Variants in PPP4R2 observed in about 807,000 individuals in gnomAD.
PPP4R2 encodes serine/threonine-protein phosphatase 4 regulatory subunit 2.
In PPP4R2, 13 loss-of-function variants were observed where a neutral mutation model predicts 47.2. That is an observed-to-expected ratio of 0.28 (90% confidence interval 0.18 to 0.44). The LOEUF (loss-of-function observed/expected upper bound fraction) is 0.44, where lower values mean the gene tolerates loss of function less well. Among genes scored for constraint, PPP4R2 ranks in the 20% least tolerant of loss-of-function variants. The pLI, the probability that PPP4R2 is intolerant of heterozygous loss-of-function variation, is 1.00. For missense variants in PPP4R2, 421 were observed against 491.2 expected (o/e 0.86, Z 1.35); for synonymous variants, 151 against 163.3 (o/e 0.92, Z 0.57).
rs1335131932 is a variant in PPP4R2 at position 73,069,181 on chromosome 3, A to AG, written c.*3459_*3460insG. ...AAATGTATTATTTTCATAATGCAAT[A>AG]AAATATAAATTAGAATATTTCTATG... On this transcript the variant is annotated 3_prime_UTR_variant, in exon 9 of 9. Transcript: ENST00000356692. 1 of 152,202 alleles carries AG rather than the reference A, an allele frequency of 6.6e-6. No individual in the cohort carries two copies. Among genetic ancestry groups the AG allele is most frequent in the African/African-American group, 2.4e-5 (1 of 41,448 alleles). The allele number at this position is 152,202 out of a possible 1,614,324, so 9.4% of individuals were successfully genotyped here.
chr3:73,010,747 C>T lies in PPP4R2; in HGVS notation c.116+12589C>T, dbSNP rs142525287. On this transcript the variant is annotated intron_variant, in intron 2 of 8. Transcript: ENST00000356692. ...TTGTATTTTTAGTACACCATGTTGGCCAGGCTGGCCTTCAACTCCTGACCT... is the reference window on the plus strand; with the variant it reads ...TTGTATTTTTAGTACACCATGTTGGTCAGGCTGGCCTTCAACTCCTGACCT... Among the ~76,000 whole-genome samples the T allele has an allele frequency of 8.5e-5, 13 of 152,124 alleles. No homozygotes were observed. The East Asian group carries it at 2.5e-3, about 30-fold the overall frequency.
chr3:73,065,272 T>A (rs1468070168), intron 8 of PPP4R2, 125 bp from the exon 9 acceptor site: 2 of 1,288,492 alleles, frequency 1.6e-6, no homozygotes, highest in East Asian at 5.0e-5. Flanking sequence ...CTCCCACCTG[T>A]ATGTAGTTGC....
chr3:73,052,219 C>G (rs1412124231), intron 3 of PPP4R2, among the ~76,000 whole-genome samples: 3 of 147,364 alleles, frequency 2.0e-5, no homozygotes, highest in South Asian at 2.1e-4. Flanking sequence ...AGAAGAATCA[C>G]AATGGAATGC....
At chr3:73,011,347 G>T (rs1701721222) in intron 2 of PPP4R2, among the ~76,000 whole-genome samples, 1 of 152,160 alleles carries the variant, frequency 6.6e-6, no homozygotes, top group Non-Finnish European at 1.5e-5. Context: ...TGGGCATGGT[G>T]GCAGGCGCTT....
chr3:73,012,967 T>C (rs1333306335), intron 2 of PPP4R2, among the ~76,000 whole-genome samples: 1 of 151,708 alleles, frequency 6.6e-6, no homozygotes, highest in African/African-American at 2.4e-5. Flanking sequence ...GAGATTTTCA[T>C]GTTTGTAGGG....
At chr3:72,997,654 A>G (rs1164702820) in intron 1 of PPP4R2, among the ~76,000 whole-genome samples, 1 of 152,200 alleles carries the variant, frequency 6.6e-6, no homozygotes, top group Non-Finnish European at 1.5e-5. Flanking sequence ...TTTGAGAATT[A>G]TTCTTTGACA....
At chr3:73,061,115 T>C (rs922196422) in intron 5 of PPP4R2, 55 bp downstream of exon 5, 2 of 773,826 alleles carry the variant, frequency 2.6e-6, no homozygotes, top group Admixed American at 6.4e-5. Context: ...AATCATTTTA[T>C]TGCTTCTAAT....
intron 3 of PPP4R2, among the ~76,000 whole-genome samples, chr3:73,058,343 TGAG>T (rs1702770320): frequency 6.6e-6 from 1 of 152,242 alleles, no homozygotes; most frequent in East Asian, 1.9e-4. Flanking sequence ...GAAGAATACT[TGAG>T]GAAAAATACA....
At chr3:73,053,176 T>C (rs961658825) in intron 3 of PPP4R2, among the ~76,000 whole-genome samples, 2 of 152,234 alleles carry the variant, frequency 1.3e-5, no homozygotes, top group African/African-American at 4.8e-5. Context: ...TGTCAGTGTT[T>C]GTTGAGTATA....
intron 3 of PPP4R2, among the ~76,000 whole-genome samples, chr3:73,053,924 A>G (rs945134799): frequency 6.6e-6 from 1 of 150,866 alleles, no homozygotes; most frequent in Non-Finnish European, 1.5e-5. Flanking sequence ...AAAAAAAAAA[A>G]GCGAAATCTG....
intron 3 of PPP4R2, among the ~76,000 whole-genome samples, chr3:73,048,146 A>T (rs936532444): frequency 6.6e-6 from 1 of 152,234 alleles, no homozygotes; most frequent in Non-Finnish European, 1.5e-5. Flanking sequence ...AAGTGCTGGA[A>T]TTACAGGCGT....
At chr3:73,018,041 G>C (rs1304420733) in intron 2 of PPP4R2, among the ~76,000 whole-genome samples, 1 of 152,136 alleles carries the variant, frequency 6.6e-6, no homozygotes, top group African/African-American at 2.4e-5. Flanking sequence ...TACAGACCAG[G>C]TTGGTTTTGG....
intron 2 of PPP4R2, chr3:73,015,799 G>A (rs549761090): frequency 9.4e-5 from 42 of 445,542 alleles, no homozygotes; most frequent in African/African-American, 7.9e-4. Context: ...CACCATGCCC[G>A]ATTAATTTTT....
intron 2 of PPP4R2, among the ~76,000 whole-genome samples, chr3:73,010,033 C>T (rs896388005): frequency 6.6e-6 from 1 of 152,026 alleles, no homozygotes; most frequent in Non-Finnish European, 1.5e-5. Flanking sequence ...AACCTATTAC[C>T]TGAATATTAA....
At chr3:73,007,397 T>C (rs572745161) in intron 2 of PPP4R2, among the ~76,000 whole-genome samples, 2 of 152,284 alleles carry the variant, frequency 1.3e-5, no homozygotes, top group East Asian at 3.9e-4. Flanking sequence ...ACAAAGAAAT[T>C]CTCCTTAAGC....
At chr3:73,009,332 A>C (rs751196129) in intron 2 of PPP4R2, among the ~76,000 whole-genome samples, 32 of 152,210 alleles carry the variant, frequency 2.1e-4, no homozygotes, top group Non-Finnish European at 4.4e-4. Context: ...GTAATTAGTA[A>C]TTGGTGAATG....
At chr3:73,014,995 C>T in intron 2 of PPP4R2, 4 of 682,478 alleles carry the variant, frequency 5.9e-6, no homozygotes, top group Non-Finnish European at 1.1e-5. Flanking sequence ...TAAGCAGCCT[C>T]ACCCAGTCGT....
intron 3 of PPP4R2, among the ~76,000 whole-genome samples, chr3:73,048,856 G>A (rs1702545678): frequency 6.6e-6 from 1 of 152,106 alleles, no homozygotes; most frequent in Non-Finnish European, 1.5e-5. Flanking sequence ...CTGTTTTTAG[G>A]TTTAAGAATT....
intron 2 of PPP4R2, among the ~76,000 whole-genome samples, chr3:73,002,511 C>G (rs1327892750): frequency 6.6e-6 from 1 of 151,788 alleles, no homozygotes; most frequent in Non-Finnish European, 1.5e-5. Flanking sequence ...TCCCAGAGTG[C>G]AAAGATTACA....
Sources: allele counts gnomAD v4.1 joint callset (sites outside exome capture counted in the v4.1 genomes callset), GRCh38; gene constraint gnomAD v4.1.1; transcripts MANE v1.5; gene names NCBI Gene and HGNC (gene_info 2026-07-23, HGNC 2026-07-21).